The following KCNQ1 variants were observed in gnomAD, a reference collection of about 807,000 sequenced individuals.
KCNQ1 encodes the protein potassium voltage-gated channel subfamily KQT member 1.
In KCNQ1, 49 loss-of-function variants were observed where a neutral mutation model predicts 72.4. The ratio of observed to expected loss-of-function variants is 0.68; its 90% CI spans 0.54 to 0.86. The LOEUF (loss-of-function observed/expected upper bound fraction) is 0.86, where lower values mean the gene tolerates loss of function less well. KCNQ1 is among the 40% of genes least tolerant of loss of function. The pLI is 0.00. For missense variants in KCNQ1, 790 were observed against 945.1 expected (o/e 0.84, Z 2.15); for synonymous variants, 450 against 412.6 (o/e 1.09, Z -1.10).
intron 13 of KCNQ1, 127 bp downstream of exon 13, chr11:2,776,181 C>G: frequency 1.3e-6 from 1 of 790,808 alleles, no homozygotes. Context: ...CAACCACCCC[C>G]TTCTCCTCAC....
intron 11 of KCNQ1, chr11:2,662,795 C>A: frequency 2.5e-6 from 1 of 399,102 alleles, no homozygotes; most frequent in South Asian, 1.3e-4. Flanking sequence ...GTCTTTGTGT[C>A]AAGATCTGTG....
intron 15 of KCNQ1, among the ~76,000 whole-genome samples, chr11:2,794,713 G>T (rs1274538012): frequency 3.3e-5 from 5 of 152,102 alleles, no homozygotes; most frequent in Admixed American, 1.3e-4. Flanking sequence ...AGTTCTGCTG[G>T]GCTGGACTGG....
intron 11 of KCNQ1, among the ~76,000 whole-genome samples, chr11:2,721,198 G>A (rs1428523623): frequency 4.6e-5 from 7 of 152,158 alleles, no homozygotes; most frequent in East Asian, 1.9e-4. Flanking sequence ...GACAAGTTAC[G>A]AAACATCCAG....
In KCNQ1 at chr11:2,682,405, T is replaced by G. The variant is rs1850413536; in HGVS notation, c.1514+20324T>G. On this transcript the variant is annotated intron_variant, in intron 11 of 15. Coordinates refer to ENST00000155840, the MANE Select transcript of KCNQ1 (RefSeq NM_000218.3). This position sits in a 1 kb window ranked among gnomAD's most constrained non-coding sequence, Gnocchi z 5.8. ...AGCATGAGGGTATAGGCTGGCTGTT[T>G]CTATTCAGTGTTTTATCTTCAGTGC... 2.5e-6 allele frequency: 1 copy of G among 398,694 alleles called. No homozygotes were observed. Among genetic ancestry groups the G allele is most frequent in the Non-Finnish European group, 4.4e-6 (1 of 226,086 alleles). The allele number at this position is 398,694 out of a possible 1,614,324, so 24.7% of individuals were successfully genotyped here.
At chr11:2,793,344 G>T (rs1847069141) in intron 15 of KCNQ1, among the ~76,000 whole-genome samples, 1 of 152,194 alleles carries the variant, frequency 6.6e-6, no homozygotes, top group Non-Finnish European at 1.5e-5. Flanking sequence ...CTGAGGCTGG[G>T]CACAGTGGCT....
At chr11:2,453,772 A>G (rs1218646471) in intron 1 of KCNQ1, among the ~76,000 whole-genome samples, 1 of 152,200 alleles carries the variant, frequency 6.6e-6, no homozygotes, top group Non-Finnish European at 1.5e-5. Flanking sequence ...GGCACTGGCA[A>G]AGGCAGGAGA....
At position 2,624,586 on chromosome 11, in the gene KCNQ1, A is replaced by C. The variant is rs1419539769; in HGVS notation, c.1393+35732A>C. 1 of 398,440 alleles carries C rather than the reference A, an allele frequency of 2.5e-6. No individual in the cohort carries two copies. The highest frequency in any genetic ancestry group is 2.1e-5 in the African/African-American group (1 of 48,636). 24.7% of individuals were successfully genotyped at this position (398,440 alleles called of 1,614,324 possible). Reference sequence around the variant, plus strand: ...CTTTTATTGTGGCAAAATACACTTAACATAAAAATTACCATCCTAACCAAT... The same window carrying C: ...CTTTTATTGTGGCAAAATACACTTACCATAAAAATTACCATCCTAACCAAT... On this transcript the variant is annotated intron_variant, in intron 10 of 15. Transcript: ENST00000155840. This position sits in a 1 kb window ranked among gnomAD's most constrained non-coding sequence, Gnocchi z 4.9.
rs1845719590 is a variant in KCNQ1 at position 2,724,178 on chromosome 11, G to A, written c.1515-44666G>A. The stretch of plus-strand genomic sequence containing the variant: ...ACAAGGAGACCAGGAAGGAAAGACA[G>A]AAAGAAAAACACGCACAGATCCAGG... On this transcript the variant is annotated intron_variant, in intron 11 of 15. Coordinates refer to ENST00000155840, the MANE Select transcript of KCNQ1 (RefSeq NM_000218.3). The surrounding 1 kb of genome is among the most constrained non-coding windows in gnomAD (Gnocchi z 6.8). 6.6e-6 allele frequency among the ~76,000 whole-genome samples: 1 copy of A among 152,146 alleles called. No homozygotes were observed. The highest frequency in any genetic ancestry group is 2.4e-5 in the African/African-American group (1 of 41,436).
rs1036214803 is a variant in KCNQ1, at chr11:2,657,333, G to C, written c.1394-4628G>C. On this transcript the variant is annotated intron_variant, in intron 10 of 15. Transcript: ENST00000155840. This position sits in a 1 kb window ranked among gnomAD's most constrained non-coding sequence, Gnocchi z 4.8. ...AATCTTTTCAGTATTGAGTCTTCTAGTCATTGGAATGAAGGCATATTTCTC... is the reference window on the plus strand; with the variant it reads ...AATCTTTTCAGTATTGAGTCTTCTACTCATTGGAATGAAGGCATATTTCTC... The C allele has an allele frequency of 7.5e-6, 3 of 398,470 alleles. No individual in the cohort carries two copies. Among genetic ancestry groups the C allele is most frequent in the African/African-American group, 6.2e-5 (3 of 48,620 alleles). The allele number at this position is 398,470 out of a possible 1,614,324, so 24.7% of individuals were successfully genotyped here. A position where few individuals can be genotyped will look rare whatever the true frequency, so the allele number is the denominator to read the frequency against.
chr11:2,714,801 G>A (rs1851062360), intron 11 of KCNQ1, among the ~76,000 whole-genome samples: 1 of 152,082 alleles, frequency 6.6e-6, no homozygotes, highest in Non-Finnish European at 1.5e-5. Context: ...CTTTCCAATG[G>A]TGGCATCCCT....
chr11:2,765,752 T>C (rs949159534), intron 11 of KCNQ1, among the ~76,000 whole-genome samples: 1 of 152,244 alleles, frequency 6.6e-6, no homozygotes, highest in African/African-American at 2.4e-5. Context: ...AAGTCTGCTA[T>C]TGGTTTTCCT....
intron 10 of KCNQ1, among the ~76,000 whole-genome samples, chr11:2,596,685 T>C (rs1403228508): frequency 6.6e-6 from 1 of 151,978 alleles, no homozygotes; most frequent in Non-Finnish European, 1.5e-5. Flanking sequence ...TATCAGTGGT[T>C]ACCTGGGGAT....
intron 11 of KCNQ1, among the ~76,000 whole-genome samples, chr11:2,747,154 G>A (rs947461746): frequency 6.6e-5 from 10 of 152,250 alleles, no homozygotes; most frequent in South Asian, 4.1e-4. Flanking sequence ...CATTGAGCCC[G>A]TCTTAAAAGT....
Position 2,471,835 on chromosome 11 carries a change from C to A in KCNQ1, c.386+26351C>A, listed in dbSNP as rs936892324. Among the ~76,000 whole-genome samples the A allele has an allele frequency of 6.7e-6, 1 of 150,030 alleles. No homozygotes were observed. The highest frequency in any genetic ancestry group is 2.5e-5 in the African/African-American group (1 of 40,446). ...GTGTGCACGTGTATGGGTGCGTGTG[C>A]ACCTATGTGTGTATAGGTGTGTGTG... is the stretch of plus-strand genomic sequence containing the variant. On this transcript the variant is annotated intron_variant, in intron 1 of 15. Coordinates refer to ENST00000155840, the MANE Select transcript of KCNQ1 (RefSeq NM_000218.3). This position sits in a 1 kb window ranked among gnomAD's most constrained non-coding sequence, Gnocchi z 4.8.
chr11:2,848,208 G>A lies in KCNQ1; in HGVS notation c.*205G>A. On this transcript the variant is annotated 3_prime_UTR_variant, in exon 16 of 16. Coordinates refer to ENST00000155840, the MANE Select transcript of KCNQ1 (RefSeq NM_000218.3). ...AGGCCACCTCTTCCTGGCCGGTGTG[G>A]GGGCCCCGTCTCAGGTCTGAGTTGT... 1 of 675,230 alleles carries A rather than the reference G, an allele frequency of 1.5e-6. No individual in the cohort carries two copies. Among genetic ancestry groups the A allele is most frequent in the Admixed American group, 2.2e-5 (1 of 45,722 alleles). 41.8% of individuals were successfully genotyped at this position (675,230 alleles called of 1,614,324 possible).
At chr11:2,583,579 C>T in intron 7 of KCNQ1, 34 bp downstream of exon 7, 1 of 1,457,496 alleles carries the variant, frequency 6.9e-7, no homozygotes, top group Non-Finnish European at 9.6e-7. Flanking sequence ...TCCCTGGCTC[C>T]TTGGACAGCT....
At chr11:2,584,665 G>A (rs1248503649) in intron 7 of KCNQ1, among the ~76,000 whole-genome samples, 2 of 151,952 alleles carry the variant, frequency 1.3e-5, no homozygotes, top group Non-Finnish European at 2.9e-5. Context: ...GTGTTAGTGT[G>A]TGGGTTAGTG....
intron 1 of KCNQ1, among the ~76,000 whole-genome samples, chr11:2,520,683 G>T (rs1230019865): frequency 6.6e-6 from 1 of 152,204 alleles, no homozygotes; most frequent in African/African-American, 2.4e-5. Context: ...GATGGAGGGA[G>T]ACCTGCTGGT....
intron 2 of KCNQ1, among the ~76,000 whole-genome samples, chr11:2,532,395 G>A (rs537829020): frequency 6.1e-4 from 93 of 152,316 alleles, no homozygotes; most frequent in Admixed American, 9.8e-4. Flanking sequence ...CCTCCCACTC[G>A]CCTTGCCACA....
Sources: allele counts gnomAD v4.1 joint callset (sites outside exome capture counted in the v4.1 genomes callset), GRCh38; gene constraint gnomAD v4.1.1; non-coding constraint Gnocchi (gnomAD v3.1); transcripts MANE v1.5; gene names NCBI Gene and HGNC (gene_info 2026-07-23, HGNC 2026-07-21).